MYO5B: variants seen among roughly 807,000 people sequenced by gnomAD.
MYO5B encodes unconventional myosin-Vb.
A neutral mutation model predicts 229.3 loss-of-function variants in MYO5B; 143 were observed. The ratio of observed to expected loss-of-function variants is 0.62; its 90% CI spans 0.54 to 0.72. The LOEUF (loss-of-function observed/expected upper bound fraction) is 0.72. Ranked by LOEUF, MYO5B falls within the 30% of genes least tolerant of loss-of-function variation. The pLI, the probability that MYO5B is intolerant of heterozygous loss-of-function variation, is 0.00. For synonymous variants in MYO5B, 918 were observed against 885.2 expected (o/e 1.04, Z -0.66); for missense variants, 2,321 against 2,331.0 (o/e 1.00, Z 0.09).
chr18:49,907,762 C>T (rs1217382088), intron 18 of MYO5B, among the ~76,000 whole-genome samples: 1 of 152,286 alleles, frequency 6.6e-6, no homozygotes, highest in African/African-American at 2.4e-5. Flanking sequence ...GCTGAGCTTG[C>T]AGCAGAGCTT....
chr18:49,999,508 G>A (rs1226164826), intron 5 of MYO5B, among the ~76,000 whole-genome samples: 1 of 152,208 alleles, frequency 6.6e-6, no homozygotes, highest in Non-Finnish European at 1.5e-5. Flanking sequence ...ATTAATCTAT[G>A]TTTGCAGCCA....
intron 12 of MYO5B, among the ~76,000 whole-genome samples, chr18:49,956,156 CA>C (rs1407718036): frequency 6.6e-6 from 1 of 152,184 alleles, no homozygotes; most frequent in Non-Finnish European, 1.5e-5. Context: ...ACCCCACCTC[CA>C]ACCAAAAATA....
Position 49,837,548 on chromosome 18 carries a change from C to T in MYO5B, c.5107G>A (p.Val1703Ile), listed in dbSNP as rs748864584. 1.3e-5 allele frequency: 21 copies of T among 1,613,850 alleles called. 1 individual carries two copies. The East Asian group carries it at 1.3e-4, about 10-fold the overall frequency. ...TGCATGCCTGTGCTCCAAGAGCAGA[C>T]GTCCTTCCGCAAGAGCAGGTTGTTA... The part of the protein sequence containing the change: ...TLNNLLLRKD[V>I]CSWSTGMQLR... The change falls in exon 37 of 40, where the codon GTC becomes ATC. Residue 1703 changes from valine to isoleucine, a missense_variant. Physicochemically the swap from Val to Ile is conservative, Grantham distance 29. Transcript: ENST00000285039.
At chr18:49,939,299 C>T (rs1402115541) in intron 14 of MYO5B, among the ~76,000 whole-genome samples, 1 of 151,950 alleles carries the variant, frequency 6.6e-6, no homozygotes, top group Non-Finnish European at 1.5e-5. Context: ...GCGTGCACTA[C>T]CATGCCCAGC....
intron 4 of MYO5B, among the ~76,000 whole-genome samples, chr18:50,018,328 T>C (rs1052053674): frequency 6.6e-6 from 1 of 151,874 alleles, no homozygotes; most frequent in Non-Finnish European, 1.5e-5. Flanking sequence ...TAACTTATGT[T>C]ATAAAGAACT....
At chr18:49,882,612 T>G (rs1021493853) in intron 22 of MYO5B, among the ~76,000 whole-genome samples, 1 of 70,666 alleles carries the variant, frequency 1.4e-5, no homozygotes, top group African/African-American at 6.2e-5. Context: ...TGGCAACAGA[T>G]CAAGAAATCA....
intron 1 of MYO5B, among the ~76,000 whole-genome samples, chr18:50,073,432 A>G (rs1351309056): frequency 2.6e-5 from 4 of 152,122 alleles, no homozygotes; most frequent in East Asian, 1.9e-4. Context: ...TTCCCAAAAC[A>G]ACTTGGCTTT....
chr18:49,937,173 G>A (rs1287382605), intron 15 of MYO5B, 72 bp downstream of exon 15: 18 of 1,568,788 alleles, frequency 1.1e-5, no homozygotes, highest in Middle Eastern at 1.9e-4. Context: ...TCACCCTGCC[G>A]CCATCCTTCA....
intron 1 of MYO5B, among the ~76,000 whole-genome samples, chr18:50,069,386 C>T (rs774405008): frequency 5.3e-5 from 8 of 152,120 alleles, no homozygotes; most frequent in African/African-American, 2.4e-5. Context: ...ACGGCAGGGA[C>T]GTTAAGCACC....
intron 14 of MYO5B, among the ~76,000 whole-genome samples, chr18:49,940,815 G>A (rs1274869775): frequency 6.6e-6 from 1 of 152,200 alleles, no homozygotes; most frequent in Non-Finnish European, 1.5e-5. Context: ...GAATGAGTGT[G>A]CCCACCTGCA....
intron 1 of MYO5B, among the ~76,000 whole-genome samples, chr18:50,184,249 G>A (rs1262591609): frequency 6.6e-6 from 1 of 152,108 alleles, no homozygotes; most frequent in Non-Finnish European, 1.5e-5. Context: ...GTGGGGCTGG[G>A]TGTGGTAGTG....
chr18:50,194,647 G>A (rs2033275708), intron 1 of MYO5B, 120 bp downstream of exon 1: 1 of 670,004 alleles, frequency 1.5e-6, no homozygotes, highest in Non-Finnish European at 2.5e-6. Flanking sequence ...GGACACCGCG[G>A]AGGGGGGTCT....
In MYO5B at chr18:49,974,427, C is replaced by A. The variant is rs2025722431; in HGVS notation, c.1245G>T (p.Trp415Cys). The A allele has an allele frequency of 6.2e-7, 1 of 1,614,074 alleles. No homozygotes were observed. Among genetic ancestry groups the A allele is most frequent in the African/African-American group, 1.3e-5 (1 of 74,928 alleles). The change falls in exon 10 of 40, where the codon TGG (tryptophan) becomes TGT (cysteine). Residue 415 changes from tryptophan to cysteine, a missense_variant. Trp to Cys is a radical substitution (Grantham distance 215). This residue lies in a region of MYO5B where 2,113 missense variants were observed against 2,044.7 expected (regional missense o/e 1.03). Coordinates refer to ENST00000285039, the MANE Select transcript of MYO5B (RefSeq NM_001080467.3). The stretch of plus-strand genomic sequence containing the variant: ...GGGCCTTGTTGATGTGCTCCACAAT[C>A]CAGCCGAACAACTGGGCATAGATGT... ...AKHIYAQLFG[W>C]IVEHINKALH...
At chr18:49,871,808 C>T (rs1360648707) in intron 27 of MYO5B, 2 of 335,848 alleles carry the variant, frequency 6.0e-6, no homozygotes, top group African/African-American at 4.3e-5. Flanking sequence ...GACCCACTCA[C>T]CTCCCACTGT....
At chr18:49,878,160 A>G (rs1172644020) in intron 24 of MYO5B, among the ~76,000 whole-genome samples, 1 of 152,090 alleles carries the variant, frequency 6.6e-6, no homozygotes, top group Non-Finnish European at 1.5e-5. Flanking sequence ...TTTCCCTCCC[A>G]GTCTTGCTCT....
intron 18 of MYO5B, among the ~76,000 whole-genome samples, chr18:49,907,931 G>A (rs1286679985): frequency 6.6e-6 from 1 of 152,232 alleles, no homozygotes. Flanking sequence ...GGCTGGATGG[G>A]ACTTGGGAGC....
chr18:49,920,676 G>A (rs772685806), intron 17 of MYO5B, among the ~76,000 whole-genome samples: 2 of 152,316 alleles, frequency 1.3e-5, no homozygotes, highest in South Asian at 2.1e-4. Context: ...TGGATGTGAC[G>A]AAGTGGCTTG....
intron 10 of MYO5B, among the ~76,000 whole-genome samples, chr18:49,966,585 C>A (rs2025628754): frequency 6.6e-6 from 1 of 152,186 alleles, no homozygotes; most frequent in African/African-American, 2.4e-5. Context: ...AAAAGAGCCA[C>A]CCCAGCAATT....
chr18:49,835,182 C>A (rs562118687), intron 39 of MYO5B, among the ~76,000 whole-genome samples, 162 bp downstream of exon 39: 28 of 152,200 alleles, frequency 1.8e-4, no homozygotes, highest in African/African-American at 6.3e-4. Flanking sequence ...ATGGGTGATA[C>A]GGTTCATGTT....
Sources: gnomAD v4.1 joint callset for allele counts (sites outside exome capture counted in the v4.1 genomes callset) on GRCh38, gnomAD v4.1.1 for gene constraint, gnomAD v4.1.1 regional missense constraint, MANE v1.5 for transcripts, NCBI Gene and HGNC (gene_info 2026-07-23, HGNC 2026-07-21) for gene names.